The following TMEM117 variants were observed in gnomAD, a reference collection of about 807,000 sequenced individuals.
TMEM117 encodes the protein transmembrane protein 117.
A neutral mutation model predicts 52.4 loss-of-function variants in TMEM117; 27 were observed. The observed-to-expected ratio is 0.51, with a 90% CI of 0.38 to 0.71. The LOEUF (loss-of-function observed/expected upper bound fraction) is 0.71, where lower values mean the gene tolerates loss of function less well. Among genes scored for constraint, TMEM117 ranks in the 30% least tolerant of loss-of-function variants. The probability of loss-of-function intolerance (pLI) is 0.00; values close to 1 mark genes in which losing one functional copy is unlikely to be tolerated. For synonymous variants in TMEM117, 215 were observed against 206.3 expected (o/e 1.04, Z -0.36); for missense variants, 556 against 630.5 (o/e 0.88, Z 1.26).
rs192560917 is a variant in TMEM117, at chr12:44,238,471, A to T, written c.608+27084A>T. Among the ~76,000 whole-genome samples the T allele has an allele frequency of 1.1e-4, 17 of 151,838 alleles. 1 individual carries two copies. In the East Asian group the frequency reaches 3.3e-3, roughly 29 times the overall value. ...TTTATACATATATCGCTATGAAAAA[A>T]CTCAACCTACCTGGGCACAGTGATG... On this transcript the variant is annotated intron_variant, in intron 5 of 7. Coordinates refer to ENST00000266534, the MANE Select transcript of TMEM117 (RefSeq NM_032256.3).
rs561661565 is a variant in TMEM117 at position 44,118,467 on chromosome 12, TAAAG to T, written c.411-25057_411-25054del. Among the ~76,000 whole-genome samples the T allele has an allele frequency of 6.6e-5, 10 of 152,296 alleles. No individual in the cohort carries two copies. The South Asian group carries it at 1.9e-3, about 28-fold the overall frequency. On this transcript the variant is annotated intron_variant, in intron 3 of 7. Transcript: ENST00000266534. ...AGCAAGGGTCAACTGCTGAAAATGATAAAGGAAGGTATTCCAAACATAGGGAACA... is the reference window on the plus strand; with the variant it reads ...AGCAAGGGTCAACTGCTGAAAATGATGAAGGTATTCCAAACATAGGGAACA...
rs533300502 is a variant in TMEM117 at position 44,190,248 on chromosome 12, G to A, written c.511-21042G>A. 3.3e-5 allele frequency among the ~76,000 whole-genome samples: 5 copies of A among 152,254 alleles called. 1 individual carries two copies. The highest frequency in any genetic ancestry group is 3.3e-4 in the Admixed American group (5 of 15,282). Reference sequence around the variant, plus strand: ...ATTTGGAGAGTGGTTAATTTTACACGAAATAATCTTGTTTGTTGAATTTCT... The same window carrying A: ...ATTTGGAGAGTGGTTAATTTTACACAAAATAATCTTGTTTGTTGAATTTCT... On this transcript the variant is annotated intron_variant, in intron 4 of 7. Coordinates refer to ENST00000266534, the MANE Select transcript of TMEM117 (RefSeq NM_032256.3).
intron 4 of TMEM117, among the ~76,000 whole-genome samples, chr12:44,200,542 T>C (rs1159252): frequency 0.1 from 15,805 of 152,144 alleles, 932 homozygotes; most frequent in Middle Eastern, 0.2. Flanking sequence ...AAATCTGTGT[T>C]ATTTTAAATG....
rs562949623 is a variant in TMEM117 at position 43,982,481 on chromosome 12, A to T, written c.410+38139A>T. On this transcript the variant is annotated intron_variant, in intron 3 of 7. Coordinates refer to ENST00000266534, the MANE Select transcript of TMEM117 (RefSeq NM_032256.3). ...GAAACCCCCATACTCTTTGTTTTCT[A>T]ACCTTTTTTTTTCAAATTAAATGCA... 1.3e-4 allele frequency among the ~76,000 whole-genome samples: 20 copies of T among 152,284 alleles called. 1 individual carries two copies. Among genetic ancestry groups the T allele is most frequent in the African/African-American group, 4.8e-4 (20 of 41,560 alleles).
the TMEM117 span, among the ~76,000 whole-genome samples, chr12:43,807,149 T>G: frequency 6.6e-6 from 1 of 152,170 alleles, no homozygotes; most frequent in Non-Finnish European, 1.5e-5. Context: ...TGGTACTGCT[T>G]CTCTACTGCT....
intron 4 of TMEM117, among the ~76,000 whole-genome samples, chr12:44,199,329 A>T (rs554518515): frequency 6.6e-6 from 1 of 152,316 alleles, no homozygotes; most frequent in African/African-American, 2.4e-5. Context: ...GAACCACCAT[A>T]GGAAATTTCA....
intron 4 of TMEM117, among the ~76,000 whole-genome samples, chr12:44,198,545 T>C (rs1949451022): frequency 6.6e-6 from 1 of 152,148 alleles, no homozygotes; most frequent in Admixed American, 6.5e-5. Context: ...GTACATAGGA[T>C]GGACACACAC....
At chr12:44,313,181 C>T (rs1425860360) in intron 6 of TMEM117, among the ~76,000 whole-genome samples, 2 of 152,114 alleles carry the variant, frequency 1.3e-5, no homozygotes, top group Non-Finnish European at 2.9e-5. Context: ...AGTTCTTTGC[C>T]AATCCTGTTA....
At chr12:43,930,917 A>G (rs1944861542) in intron 2 of TMEM117, among the ~76,000 whole-genome samples, 1 of 152,202 alleles carries the variant, frequency 6.6e-6, no homozygotes, top group African/African-American at 2.4e-5. Flanking sequence ...TGGAAGAGAT[A>G]GAGCTGGGTG....
intron 3 of TMEM117, among the ~76,000 whole-genome samples, chr12:44,114,162 C>A (rs938665274): frequency 5.5e-4 from 83 of 151,832 alleles, no homozygotes; most frequent in African/African-American, 7.3e-4. Context: ...AGTAATCACC[C>A]GTCTTCTGCG....
intron 2 of TMEM117, among the ~76,000 whole-genome samples, chr12:43,884,690 T>C (rs1292821210): frequency 6.6e-6 from 1 of 152,188 alleles, no homozygotes; most frequent in Non-Finnish European, 1.5e-5. Flanking sequence ...AGGGAAAAAG[T>C]CTCAGGCTGG....
At chr12:44,231,238 T>C (rs146739413) in intron 5 of TMEM117, among the ~76,000 whole-genome samples, 4 of 152,076 alleles carry the variant, frequency 2.6e-5, no homozygotes, top group Non-Finnish European at 5.9e-5. Context: ...TTGAAATAAA[T>C]AACCACACTC....
chr12:44,213,951 C>A (rs1222734403), intron 5 of TMEM117, among the ~76,000 whole-genome samples: 1 of 151,958 alleles, frequency 6.6e-6, no homozygotes, highest in Non-Finnish European at 1.5e-5. Context: ...CTGCTAGTTA[C>A]CAAGGTCACA....
chr12:44,005,368 T>C (rs1393962199), intron 3 of TMEM117, among the ~76,000 whole-genome samples: 1 of 152,222 alleles, frequency 6.6e-6, no homozygotes, highest in South Asian at 2.1e-4. Context: ...TAAACCAGGA[T>C]CTGACATAAA....
chr12:43,871,272 T>G (rs1264808995), intron 2 of TMEM117, among the ~76,000 whole-genome samples: 1 of 151,946 alleles, frequency 6.6e-6, no homozygotes, highest in African/African-American at 2.4e-5. Context: ...CCAGCTAATT[T>G]TTGTATTTTT....
chr12:44,370,762 C>T (rs1565766859), intron 6 of TMEM117, among the ~76,000 whole-genome samples: 1 of 152,074 alleles, frequency 6.6e-6, no homozygotes, highest in Non-Finnish European at 1.5e-5. Flanking sequence ...AAGTGATCCG[C>T]CCGCCTTGGC....
At chr12:44,093,179 G>A (rs1236614378) in intron 3 of TMEM117, among the ~76,000 whole-genome samples, 1 of 151,994 alleles carries the variant, frequency 6.6e-6, no homozygotes, top group Non-Finnish European at 1.5e-5. Context: ...TTTTTTTTCA[G>A]TGTCTGGTCA....
intron 4 of TMEM117, among the ~76,000 whole-genome samples, chr12:44,161,155 G>A (rs1320954423): frequency 6.6e-6 from 1 of 152,054 alleles, no homozygotes; most frequent in Non-Finnish European, 1.5e-5. Context: ...TTACTCAATA[G>A]TTAACATAAA....
At chr12:44,301,691 T>A (rs1592677524) in intron 6 of TMEM117, among the ~76,000 whole-genome samples, 1 of 152,324 alleles carries the variant, frequency 6.6e-6, no homozygotes, top group East Asian at 1.9e-4. Flanking sequence ...TTTCCATCTC[T>A]TATCTTTTTT....
Sources: gnomAD v4.1 joint callset for allele counts (sites outside exome capture counted in the v4.1 genomes callset) on GRCh38, gnomAD v4.1.1 for gene constraint, MANE v1.5 for transcripts, NCBI Gene and HGNC (gene_info 2026-07-23, HGNC 2026-07-21) for gene names.